The following CNBD1 variants were observed in gnomAD, a reference collection of about 807,000 sequenced individuals.
CNBD1 encodes cyclic nucleotide-binding domain-containing protein 1.
Under a neutral mutation model 54.4 loss-of-function variants are expected in CNBD1, and 71 were observed. The observed-to-expected ratio is 1.30, with a 90% CI of 1.08 to 1.59. CNBD1 has a LOEUF of 1.59. CNBD1 is among the 40% of genes most tolerant of loss of function. CNBD1 has a pLI of 0.00. For missense variants in CNBD1, 659 were observed against 518.0 expected (o/e 1.27, Z -2.64); for synonymous variants, 182 against 170.7 (o/e 1.07, Z -0.51).
chr8:86,905,661 G>A (rs1417089995), intron 3 of CNBD1, among the ~76,000 whole-genome samples: 2 of 152,112 alleles, frequency 1.3e-5, no homozygotes, highest in African/African-American at 2.4e-5. Flanking sequence ...ACATTTAGAT[G>A]TGCTTTATGT....
intron 10 of CNBD1, among the ~76,000 whole-genome samples, chr8:87,368,731 T>C (rs1810696674): frequency 6.6e-6 from 1 of 152,020 alleles, no homozygotes; most frequent in Non-Finnish European, 1.5e-5. Flanking sequence ...TTTGGTATTT[T>C]GTAGGCATCA....
At chr8:87,130,819 T>C (rs1429957961) in intron 4 of CNBD1, among the ~76,000 whole-genome samples, 1 of 152,008 alleles carries the variant, frequency 6.6e-6, no homozygotes, top group Admixed American at 6.6e-5. Context: ...AATTCAACTA[T>C]CCAAATATGA....
chr8:87,362,288 C>T (rs1810537922), intron 10 of CNBD1, among the ~76,000 whole-genome samples: 1 of 151,990 alleles, frequency 6.6e-6, no homozygotes, highest in Non-Finnish European at 1.5e-5. Flanking sequence ...ATCATATTGC[C>T]AAGAATGCTT....
chr8:87,098,535 G>T (rs1043691447), intron 4 of CNBD1, among the ~76,000 whole-genome samples: 1 of 151,770 alleles, frequency 6.6e-6, no homozygotes. Context: ...GAGAGAGAGT[G>T]TATTACCAAA....
rs189945145 is a variant in CNBD1, at chr8:86,957,568, G to A, written c.431+17814G>A. 3.7e-3 allele frequency among the ~76,000 whole-genome samples: 560 copies of A among 152,286 alleles called. 4 individuals are homozygous for A. The highest frequency in any genetic ancestry group is 0.013 in the African/African-American group (521 of 41,564). ...CTGGTTTAGTCTTGGGAGGGTGTAT[G>A]TGTCCAGAAATTTATCCATTTCTTC... On this transcript the variant is annotated intron_variant, in intron 4 of 10. Coordinates refer to ENST00000518476, the MANE Select transcript of CNBD1 (RefSeq NM_173538.3).
intron 4 of CNBD1, among the ~76,000 whole-genome samples, chr8:86,973,948 A>T (rs943343320): frequency 6.6e-6 from 1 of 152,160 alleles, no homozygotes; most frequent in African/African-American, 2.4e-5. Context: ...GCATTAATAA[A>T]TATTTATTGA....
At chr8:87,113,490 T>C (rs719779) in intron 4 of CNBD1, among the ~76,000 whole-genome samples, 2,105 of 152,246 alleles carry the variant, frequency 0.014, 47 homozygotes, top group African/African-American at 0.048. Context: ...AGTACTTGCT[T>C]TATAATGGGT....
intron 4 of CNBD1, among the ~76,000 whole-genome samples, chr8:87,066,492 A>G (rs949873459): frequency 1.3e-5 from 2 of 151,968 alleles, no homozygotes; most frequent in Non-Finnish European, 2.9e-5. Context: ...TCTTGCCTCT[A>G]TGAAGAAATA....
chr8:86,868,495 G>A (rs1458330834), intron 1 of CNBD1, among the ~76,000 whole-genome samples: 1 of 151,916 alleles, frequency 6.6e-6, no homozygotes, highest in Non-Finnish European at 1.5e-5. Context: ...GGTGTGCCTG[G>A]CTAATTTTTG....
intron 8 of CNBD1, among the ~76,000 whole-genome samples, chr8:87,322,581 T>G (rs1307477409): frequency 9.0e-6 from 1 of 111,548 alleles, no homozygotes; most frequent in Non-Finnish European, 2.0e-5. Context: ...TTCATGTGTT[T>G]TTTGGCTGCA....
At chr8:87,416,016 C>A (rs1280322379) in intron 2 of CNBD1, among the ~76,000 whole-genome samples, 2 of 151,796 alleles carry the variant, frequency 1.3e-5, no homozygotes, top group Non-Finnish European at 2.9e-5. Flanking sequence ...CATACACACA[C>A]AAAAATAGAT....
At chr8:86,919,360 C>A in intron 3 of CNBD1, among the ~76,000 whole-genome samples, 1 of 152,178 alleles carries the variant, frequency 6.6e-6, no homozygotes, top group South Asian at 2.1e-4. Flanking sequence ...TTTGGAGAGC[C>A]CCAACCAGCC....
intron 8 of CNBD1, among the ~76,000 whole-genome samples, chr8:87,315,590 C>A (rs1204148398): frequency 6.6e-6 from 1 of 151,842 alleles, no homozygotes; most frequent in Non-Finnish European, 1.5e-5. Flanking sequence ...TCACGCCTTA[C>A]CCCGAAGGAT....
chr8:87,162,183 C>G (rs1812870800), intron 4 of CNBD1, among the ~76,000 whole-genome samples: 1 of 151,992 alleles, frequency 6.6e-6, no homozygotes, highest in African/African-American at 2.4e-5. Context: ...CAAGAAAAAA[C>G]TAAATAGAGC....
At chr8:87,300,812 T>C (rs1213113919) in intron 8 of CNBD1, among the ~76,000 whole-genome samples, 1 of 152,128 alleles carries the variant, frequency 6.6e-6, no homozygotes, top group African/African-American at 2.4e-5. Flanking sequence ...TGTGTACTTA[T>C]GAATTTTAGC....
intron 4 of CNBD1, among the ~76,000 whole-genome samples, chr8:86,941,872 A>G (rs1201969124): frequency 6.6e-6 from 1 of 152,190 alleles, no homozygotes; most frequent in Non-Finnish European, 1.5e-5. Flanking sequence ...TTGGGTCAGT[A>G]TCAGTTTCCA....
chr8:87,149,829 G>A (rs1310451243), intron 4 of CNBD1, among the ~76,000 whole-genome samples: 1 of 152,022 alleles, frequency 6.6e-6, no homozygotes, highest in Non-Finnish European at 1.5e-5. Context: ...AGGATCAATG[G>A]CCATTGGTCA....
rs577707458 is a variant in CNBD1, at chr8:87,398,017, C to A, written c.214-30529C>A. The stretch of plus-strand genomic sequence containing the variant: ...CATGTGGAACTGTAAGTCCAATAAA[C>A]CTCTTTCATTTGTAAATTGCTCAGT... On this transcript the variant is annotated intron_variant, in intron 2 of 7. Coordinates refer to the CNBD1 transcript ENST00000521593. 3.3e-5 allele frequency among the ~76,000 whole-genome samples: 5 copies of A among 151,866 alleles called. No homozygotes were observed. In the East Asian group the frequency reaches 9.7e-4, roughly 30 times the overall value.
intron 4 of CNBD1, among the ~76,000 whole-genome samples, chr8:87,188,670 G>A (rs566086232): frequency 2.0e-5 from 3 of 150,752 alleles, no homozygotes; most frequent in Non-Finnish European, 4.4e-5. Context: ...AGGTTGCAGT[G>A]AGCCGAGATT....
Sources: allele counts gnomAD v4.1 joint callset (sites outside exome capture counted in the v4.1 genomes callset), GRCh38; gene constraint gnomAD v4.1.1; transcripts MANE v1.5; gene names NCBI Gene and HGNC (gene_info 2026-07-23, HGNC 2026-07-21).